Variants in LRRC71 observed in about 807,000 individuals in gnomAD.
LRRC71 encodes leucine-rich repeat-containing protein 71.
Under a neutral mutation model 66.6 loss-of-function variants are expected in LRRC71, and 54 were observed. The observed-to-expected ratio is 0.81, with a 90% CI of 0.65 to 1.02. The LOEUF (loss-of-function observed/expected upper bound fraction) is 1.02. Ranked by LOEUF, LRRC71 falls within the 50% of genes least tolerant of loss-of-function variation. The pLI is 0.00. For missense variants in LRRC71, 724 were observed against 718.0 expected (o/e 1.01, Z -0.10); for synonymous variants, 323 against 303.9 (o/e 1.06, Z -0.65).
downstream of LRRC71, chr1:156,934,979 A>G (rs1456559139): frequency 6.7e-6 from 1 of 148,666 alleles, no homozygotes; most frequent in African/African-American, 2.5e-5. Flanking sequence ...ATATATATAT[A>G]TATGTATATA....
intron 14 of LRRC71, 101 bp downstream of exon 14, chr1:156,932,646 G>C (rs1654553125): frequency 5.0e-6 from 8 of 1,612,632 alleles, no homozygotes; most frequent in Non-Finnish European, 6.8e-6. Context: ...CATTTCCAAG[G>C]AAGGTCTGTA....
At chr1:156,926,650 C>T (rs111352901) in intron 5 of LRRC71, among the ~76,000 whole-genome samples, 10 of 150,280 alleles carry the variant, frequency 6.7e-5, no homozygotes, top group African/African-American at 2.5e-4. Flanking sequence ...TCTTGGCTCA[C>T]TGCAACCTCC....
chr1:156,921,818 G>A (rs12143768), intron 1 of LRRC71: 37,250 of 238,458 alleles, frequency 0.16, 3,437 homozygotes, highest in East Asian at 0.3. Context: ...ATGAGTTACC[G>A]GACTATTTCA....
the LRRC71 span, chr1:156,940,088 C>T: frequency 7.1e-7 from 1 of 1,409,012 alleles, no homozygotes; most frequent in South Asian, 1.4e-5. Flanking sequence ...CCGCATCCAT[C>T]TCTCCTCAAG....
the LRRC71 span, chr1:156,940,129 G>A: frequency 6.8e-7 from 1 of 1,471,846 alleles, no homozygotes; most frequent in East Asian, 2.3e-5. Context: ...GGAAGGTGGA[G>A]GGTGCAGGCG....
intron 12 of LRRC71, 77 bp from the exon 13 acceptor site, chr1:156,931,839 T>TTGAA (rs949626847): frequency 9.4e-5 from 109 of 1,164,284 alleles, no homozygotes; most frequent in Middle Eastern, 5.8e-4. Flanking sequence ...AACATGTATG[T>TTGAA]TGAATGAATG....
Position 156,932,437 on chromosome 1 carries a change from A to T in LRRC71, c.1455A>T (p.Thr485=). ...LHLNLIRNRI[T]EVGLEGFLAT... The stretch of plus-strand genomic sequence containing the variant: ...AACTTCCACCAGGGAACCGCATCAC[A>T]GAGGTGGGGCTGGAGGGCTTCCTCG... The change falls in exon 14 of 15, where the codon ACA becomes ACT. Residue 485 remains threonine (T), a synonymous_variant. Coordinates refer to ENST00000337428, the MANE Select transcript of LRRC71 (RefSeq NM_144702.3). 2.5e-6 allele frequency: 4 copies of T among 1,613,320 alleles called. No individual in the cohort carries two copies. The highest frequency in any genetic ancestry group is 3.4e-6 in the Non-Finnish European group (4 of 1,179,776).
intron 1 of LRRC71, 68 bp from the exon 2 acceptor site, chr1:156,923,881 C>G (rs1253172637): frequency 3.6e-6 from 5 of 1,405,344 alleles, no homozygotes; most frequent in Non-Finnish European, 2.8e-6. Context: ...CCTCCGCCCG[C>G]GCGGGAGAGC....
At chr1:156,921,360 A>C (rs756642539) in intron 1 of LRRC71, among the ~76,000 whole-genome samples, 10 of 152,230 alleles carry the variant, frequency 6.6e-5, no homozygotes, top group Non-Finnish European at 1.5e-4. Flanking sequence ...TGGGGTTTAC[A>C]TCCTCTGGGA....
chr1:156,921,025 A>G (rs1652279918), intron 1 of LRRC71, 62 bp downstream of exon 1: 1 of 1,441,778 alleles, frequency 6.9e-7, no homozygotes, highest in Non-Finnish European at 9.2e-7. Context: ...GGTTCCCACT[A>G]GCTACTCACT....
chr1:156,930,254 A>C (rs1654165119), intron 11 of LRRC71, among the ~76,000 whole-genome samples: 1 of 151,526 alleles, frequency 6.6e-6, no homozygotes, highest in Non-Finnish European at 1.5e-5. Flanking sequence ...CACCACGCCC[A>C]GCTAATTTTT....
intron 12 of LRRC71, among the ~76,000 whole-genome samples, chr1:156,931,032 G>C (rs1251129739): frequency 6.6e-6 from 1 of 152,138 alleles, no homozygotes; most frequent in East Asian, 1.9e-4. Context: ...AGGAAGGCAG[G>C]GCATTTTTAT....
intron 6 of LRRC71, 86 bp from the exon 7 acceptor site, chr1:156,927,410 C>G (rs1653367934): frequency 6.6e-7 from 1 of 1,513,210 alleles, no homozygotes; most frequent in Non-Finnish European, 8.9e-7. Flanking sequence ...GACCAGACCG[C>G]CCCCTCAAGC....
downstream of LRRC71, chr1:156,935,608 G>A (rs1654902386): frequency 5.5e-6 from 1 of 181,300 alleles, no homozygotes; most frequent in Non-Finnish European, 1.1e-5. Context: ...TATGGAGAAA[G>A]AGGGGAGGAA....
the LRRC71 span, chr1:156,938,657 C>T: frequency 1.5e-6 from 1 of 653,210 alleles, no homozygotes; most frequent in South Asian, 2.0e-5. Flanking sequence ...CAAGATCATA[C>T]ACGATGACAT....
chr1:156,935,974 C>T (rs375440891), downstream of LRRC71: 378 of 1,602,986 alleles, frequency 2.4e-4, no homozygotes, highest in Admixed American at 1.1e-3. Flanking sequence ...GGAGTGGGGA[C>T]GCAGAGGATT....
chr1:156,930,069 TTTCTTTC>T (rs1654103416), intron 11 of LRRC71, among the ~76,000 whole-genome samples: 1 of 122,158 alleles, frequency 8.2e-6, no homozygotes, highest in Non-Finnish European at 1.6e-5. Context: ...TTTTTCTTTC[TTTCTTTC>T]TTTTCTTTCT....
rs1018087166 is a variant in LRRC71, at chr1:156,928,357, T to C, written c.996+353T>C. On this transcript the variant is annotated intron_variant, in intron 9 of 14. Coordinates refer to ENST00000337428, the MANE Select transcript of LRRC71 (RefSeq NM_144702.3). ...TTTTCTTTCTTCTTTCTTTCTCTTC[T>C]TCTTCCTCTTCTTCTTCTTCTTCTT... is the stretch of plus-strand genomic sequence containing the variant. Among the ~76,000 whole-genome samples the C allele has an allele frequency of 6.5e-4, 93 of 142,254 alleles. 1 individual carries two copies. Among genetic ancestry groups the C allele is most frequent in the Non-Finnish European group, 1.3e-3 (82 of 65,430 alleles). 93.3% of individuals were successfully genotyped at this position (142,254 alleles called of 152,430 possible). A position where few individuals can be genotyped will look rare whatever the true frequency, so the allele number is the denominator to read the frequency against.
At chr1:156,935,708 G>A (rs1416070840), downstream of LRRC71, 1 of 412,856 alleles carries the variant, frequency 2.4e-6, no homozygotes, top group Non-Finnish European at 4.4e-6. Context: ...CACATATGTG[G>A]GGTGAGGGCA....
Sources: allele counts gnomAD v4.1 joint callset (sites outside exome capture counted in the v4.1 genomes callset), GRCh38; gene constraint gnomAD v4.1.1; transcripts MANE v1.5; gene names NCBI Gene and HGNC (gene_info 2026-07-23, HGNC 2026-07-21).